ACOXL: variants seen among roughly 807,000 people sequenced by gnomAD.
ACOXL encodes the protein acyl-CoA oxidase like.
In ACOXL, 70 loss-of-function variants were observed where a neutral mutation model predicts 71.9. The observed-to-expected ratio is 0.97, with a 90% confidence interval of 0.80 to 1.19. The LOEUF (loss-of-function observed/expected upper bound fraction) is 1.19, where lower values mean the gene tolerates loss of function less well. ACOXL is among the 50% of genes most tolerant of loss of function. The probability of loss-of-function intolerance (pLI) is 0.00; values close to 1 mark genes in which losing one functional copy is unlikely to be tolerated. For synonymous variants in ACOXL, 253 were observed against 281.6 expected, an observed-to-expected ratio of 0.90 and a Z score of 1.02; for missense variants, 703 against 736.3, an observed-to-expected ratio of 0.95 and a Z score of 0.52.
At chr2:110,922,783 T>G (rs1423470459) in intron 11 of ACOXL, among the ~76,000 whole-genome samples, 1 of 152,108 alleles carries the variant, frequency 6.6e-6, no homozygotes. Flanking sequence ...AAACAAGAGG[T>G]GATCAATAGA....
intron 10 of ACOXL, among the ~76,000 whole-genome samples, chr2:110,863,421 A>G (rs1694187438): frequency 6.6e-6 from 1 of 152,264 alleles, no homozygotes; most frequent in African/African-American, 2.4e-5. Context: ...ATTTGCCAAA[A>G]TATTAGCAGT....
intron 14 of ACOXL, among the ~76,000 whole-genome samples, chr2:111,006,228 C>T (rs980619996): frequency 2.0e-5 from 3 of 152,188 alleles, no homozygotes; most frequent in African/African-American, 4.8e-5. Context: ...AAGGTCACCT[C>T]GTGTAAAAGT....
chr2:110,736,370 G>C (rs899200197), intron 1 of ACOXL, among the ~76,000 whole-genome samples: 2 of 152,078 alleles, frequency 1.3e-5, no homozygotes, highest in African/African-American at 2.4e-5. Context: ...GTACCTGTTA[G>C]ACACTAACTC....
intron 10 of ACOXL, among the ~76,000 whole-genome samples, chr2:110,897,256 A>G (rs965042266): frequency 6.6e-6 from 1 of 152,214 alleles, no homozygotes; most frequent in Non-Finnish European, 1.5e-5. Context: ...TGTAACACTA[A>G]ATGTGCTAAA....
At chr2:111,037,301 G>T (rs1272002088) in intron 15 of ACOXL, among the ~76,000 whole-genome samples, 3 of 152,202 alleles carry the variant, frequency 2.0e-5, no homozygotes, top group African/African-American at 7.2e-5. Flanking sequence ...GAAGAAAGCT[G>T]TCTTTAGAGA....
intron 9 of ACOXL, among the ~76,000 whole-genome samples, chr2:110,838,528 C>T (rs558534669): frequency 1.4e-4 from 21 of 152,302 alleles, no homozygotes; most frequent in African/African-American, 5.1e-4. Context: ...ACAGTTGCCT[C>T]TACCTGGCAT....
chr2:111,066,612 T>C (rs2067086817), intron 16 of ACOXL, among the ~76,000 whole-genome samples: 1 of 152,116 alleles, frequency 6.6e-6, no homozygotes, highest in African/African-American at 2.4e-5. Flanking sequence ...TATCTTGAAA[T>C]AGAAAAATTC....
At chr2:110,972,164 C>T (rs751620295) in intron 12 of ACOXL, among the ~76,000 whole-genome samples, 2 of 152,124 alleles carry the variant, frequency 1.3e-5, no homozygotes, top group Non-Finnish European at 2.9e-5. Flanking sequence ...ACAGCAGGAA[C>T]GTGCAGGGAT....
At position 110,784,559 on chromosome 2, in the gene ACOXL, A is replaced by G. The variant is rs540285573; in HGVS notation, c.76-173A>G. Among the ~76,000 whole-genome samples the G allele has an allele frequency of 7.9e-5, 12 of 152,402 alleles. No individual in the cohort carries two copies. In the South Asian group the frequency reaches 2.3e-3, roughly 29 times the overall value. On this transcript the variant is annotated intron_variant, in intron 2 of 17. Coordinates refer to ENST00000439055, the MANE Select transcript of ACOXL (RefSeq NM_001142807.4). ...GAGACCAGAAAGCCACATTAAAAAA[A>G]GATGAAAACATTTACTTTAGTAGAA...
chr2:110,879,184 G>A (rs1456068315), intron 10 of ACOXL, among the ~76,000 whole-genome samples: 3 of 152,172 alleles, frequency 2.0e-5, no homozygotes, highest in Non-Finnish European at 4.4e-5. Flanking sequence ...CAATTTTTGA[G>A]TCAGAAGCCC....
Position 111,067,671 on chromosome 2 carries a change from TG to T in ACOXL, c.1440+18386del, listed in dbSNP as rs1402515269. Among the ~76,000 whole-genome samples the T allele has an allele frequency of 2.0e-5, 3 of 152,246 alleles. No individual in the cohort carries two copies. The East Asian group carries it at 5.8e-4, about 29-fold the overall frequency. The stretch of plus-strand genomic sequence containing the variant: ...GCCAAAATTCAAATGTTTGGTGCAA[TG>T]GGTGGTTGCTTTAGGAAAATATAAG... On this transcript the variant is annotated intron_variant, in intron 16 of 17. Coordinates refer to ENST00000439055, the MANE Select transcript of ACOXL (RefSeq NM_001142807.4).
intron 17 of ACOXL, among the ~76,000 whole-genome samples, chr2:111,109,671 A>ATTTTTTTTTTTTTTTT (rs869081161): frequency 1.3e-5 from 1 of 75,644 alleles, no homozygotes; most frequent in Non-Finnish European, 2.4e-5. Flanking sequence ...TTCTCCTTCT[A>ATTTTTTTTTTTTTTTT]TTTTTTTTTT....
chr2:110,927,637 G>A (rs2149319161), intron 11 of ACOXL, among the ~76,000 whole-genome samples: 1 of 152,346 alleles, frequency 6.6e-6, no homozygotes, highest in South Asian at 2.1e-4. Flanking sequence ...GTAGCAGCCT[G>A]GGCCCATCTT....
chr2:111,093,042 C>A, intron 17 of ACOXL, 76 bp downstream of exon 17: 1 of 1,194,396 alleles, frequency 8.4e-7, no homozygotes. Flanking sequence ...AACAGTCCTG[C>A]CAATCTTCTA....
Position 111,031,661 on chromosome 2 carries a change from G to A in ACOXL, c.1316G>A (p.Trp439Ter). The change falls in exon 15 of 18, where the codon TGG becomes TAG. Residue 439 changes from tryptophan to a stop codon, truncating the protein, a stop_gained. Coordinates refer to ENST00000439055, the MANE Select transcript of ACOXL (RefSeq NM_001142807.4). LOFTEE classifies it high-confidence loss of function. ...AAGAAGGAGGATTTTTTCCATGCCT[G>A]GAACTCGTGTCTGCACCACGTGGCT... ...KTKKEDFFHA[W>*]NSCLHHVASL... is the part of the protein sequence containing the mutation. 6.2e-7 allele frequency: 1 copy of A among 1,614,130 alleles called. No individual in the cohort carries two copies. Among genetic ancestry groups the A allele is most frequent in the South Asian group, 1.1e-5 (1 of 91,076 alleles).
chr2:111,030,983 A>G (rs2065238485), intron 14 of ACOXL, among the ~76,000 whole-genome samples: 1 of 152,176 alleles, frequency 6.6e-6, no homozygotes, highest in Non-Finnish European at 1.5e-5. Flanking sequence ...ACTTCCCTCC[A>G]ACTAAAACAC....
At chr2:110,918,258 A>G (rs12474172) in intron 11 of ACOXL, among the ~76,000 whole-genome samples, 1 of 152,186 alleles carries the variant, frequency 6.6e-6, no homozygotes, top group African/African-American at 2.4e-5. Flanking sequence ...AACACCACAC[A>G]TCTACAGTCA....
chr2:111,027,893 A>G (rs193045867), intron 14 of ACOXL, among the ~76,000 whole-genome samples: 9 of 152,180 alleles, frequency 5.9e-5, no homozygotes, highest in Admixed American at 4.6e-4. Context: ...GCTTTATTAT[A>G]TATTTCTTAG....
At chr2:110,796,783 T>A (rs1373976230) in intron 5 of ACOXL, among the ~76,000 whole-genome samples, 1 of 152,236 alleles carries the variant, frequency 6.6e-6, no homozygotes, top group Non-Finnish European at 1.5e-5. Context: ...AGATCCAGCA[T>A]GTCCGTTTAT....
Sources: gnomAD v4.1 joint callset for allele counts (sites outside exome capture counted in the v4.1 genomes callset) on GRCh38, gnomAD v4.1.1 for gene constraint, MANE v1.5 for transcripts, NCBI Gene and HGNC (gene_info 2026-07-23, HGNC 2026-07-21) for gene names.